The following SYN3 variants were observed in gnomAD, a reference collection of about 807,000 sequenced individuals.
SYN3 encodes synapsin III, also known as synapsin-3.
In SYN3, 35 loss-of-function variants were observed where a neutral mutation model predicts 65.8. The ratio of observed to expected loss-of-function variants is 0.53; its 90% confidence interval spans 0.41 to 0.70. The LOEUF (loss-of-function observed/expected upper bound fraction) is 0.70. SYN3 is among the 30% of genes least tolerant of loss of function. SYN3 has a pLI of 0.00. For missense variants in SYN3, 680 were observed against 749.0 expected (o/e 0.91, Z 1.08); for synonymous variants, 270 against 292.9 (o/e 0.92, Z 0.80).
intron 7 of SYN3, among the ~76,000 whole-genome samples, chr22:32,575,374 A>T (rs182564485): frequency 6.6e-6 from 1 of 152,300 alleles, no homozygotes; most frequent in East Asian, 1.9e-4. Flanking sequence ...GGTGGCAAGA[A>T]GAGAAGGACC....
At chr22:32,628,345 G>A (rs1170889819) in intron 6 of SYN3, among the ~76,000 whole-genome samples, 1 of 152,116 alleles carries the variant, frequency 6.6e-6, no homozygotes, top group East Asian at 1.9e-4. Flanking sequence ...TCTTTCACAA[G>A]GTATATTGAA....
chr22:32,789,321 C>CT (rs1252297361), intron 6 of SYN3, among the ~76,000 whole-genome samples: 1 of 152,180 alleles, frequency 6.6e-6, no homozygotes, highest in Non-Finnish European at 1.5e-5. Flanking sequence ...ACATCAAGGT[C>CT]TTTTTTCTCT....
chr22:32,628,937 C>G (rs2059708522), intron 6 of SYN3, among the ~76,000 whole-genome samples: 1 of 152,116 alleles, frequency 6.6e-6, no homozygotes. Flanking sequence ...CCCTGTTGGG[C>G]TCTTTAGGGA....
In SYN3 at chr22:32,785,270, G is replaced by A. The variant is rs533690764; in HGVS notation, c.711+79645C>T. 3.3e-5 allele frequency among the ~76,000 whole-genome samples: 5 copies of A among 152,250 alleles called. No individual in the cohort carries two copies. The East Asian group carries it at 9.6e-4, about 29-fold the overall frequency. ...AGAGTTAGAACGTCTTTGACACTTG[G>A]CCCAGGGCTCTTTCCTTCAATTACA... On this transcript the variant is annotated intron_variant, in intron 6 of 13. Transcript: ENST00000358763.
At chr22:32,527,771 A>G (rs1033861439) in intron 12 of SYN3, 147 bp downstream of exon 12, 20 of 665,698 alleles carry the variant, frequency 3.0e-5, no homozygotes, top group Non-Finnish European at 5.0e-5. Context: ...AAAGAGTTTG[A>G]CCAACCCCAT....
At chr22:32,735,373 T>A (rs1476052076) in intron 6 of SYN3, among the ~76,000 whole-genome samples, 1 of 152,222 alleles carries the variant, frequency 6.6e-6, no homozygotes, top group Non-Finnish European at 1.5e-5. Flanking sequence ...TGGCACGTAG[T>A]AAATTCTCAA....
At chr22:32,980,791 T>A in intron 2 of SYN3, 89 bp from the exon 3 acceptor site, 1 of 1,124,974 alleles carries the variant, frequency 8.9e-7, no homozygotes, top group Non-Finnish European at 1.3e-6. Context: ...CAGAGGTGCA[T>A]ATTGAGACAC....
chr22:32,530,244 G>A (rs1026893607), intron 10 of SYN3: 1 of 152,244 alleles, frequency 6.6e-6, no homozygotes, highest in East Asian at 1.9e-4. Context: ...AGGATACTAA[G>A]AAGCGCCGTA....
intron 4 of SYN3, among the ~76,000 whole-genome samples, chr22:32,909,361 C>T (rs1051480083): frequency 6.6e-6 from 1 of 152,162 alleles, no homozygotes; most frequent in Non-Finnish European, 1.5e-5. Context: ...CCTCTCTGAA[C>T]CTCAGCTTCC....
intron 7 of SYN3, among the ~76,000 whole-genome samples, chr22:32,547,929 C>T (rs1052658141): frequency 1.3e-5 from 2 of 152,190 alleles, no homozygotes; most frequent in African/African-American, 4.8e-5. Context: ...GAATGGCCCT[C>T]GTTATTCTAT....
intron 6 of SYN3, among the ~76,000 whole-genome samples, chr22:32,702,737 G>GA (rs55781708): frequency 0.31 from 47,203 of 151,102 alleles, 7,810 homozygotes; most frequent in Middle Eastern, 0.4. Flanking sequence ...ATTAAAATTA[G>GA]AAAAAAAAAT....
chr22:32,561,631 G>A (rs1171922828), intron 7 of SYN3, among the ~76,000 whole-genome samples: 4 of 152,166 alleles, frequency 2.6e-5, no homozygotes, highest in African/African-American at 4.8e-5. Flanking sequence ...CTGGCCTGTC[G>A]GCTGCCTGCC....
chr22:32,535,784 G>A (rs376021247), intron 9 of SYN3, among the ~76,000 whole-genome samples: 170 of 152,106 alleles, frequency 1.1e-3, no homozygotes, highest in African/African-American at 3.6e-3. Context: ...GGAGAATCGG[G>A]GGGGGGGCCC....
intron 3 of SYN3, among the ~76,000 whole-genome samples, chr22:32,949,072 G>GA (rs2051205244): frequency 6.6e-6 from 1 of 152,016 alleles, no homozygotes; most frequent in Admixed American, 6.6e-5. Flanking sequence ...TCCAAAATCT[G>GA]AAATGCTCCA....
At chr22:32,653,796 T>C (rs1325406658) in intron 6 of SYN3, among the ~76,000 whole-genome samples, 1 of 152,212 alleles carries the variant, frequency 6.6e-6, no homozygotes, top group East Asian at 1.9e-4. Flanking sequence ...GAATCTCAAT[T>C]TTTAAACTCC....
At chr22:32,566,200 T>C (rs530684942) in intron 7 of SYN3, among the ~76,000 whole-genome samples, 2 of 152,172 alleles carry the variant, frequency 1.3e-5, no homozygotes, top group African/African-American at 2.4e-5. Context: ...GTAATCTATA[T>C]AAAAATTATG....
chr22:32,971,238 ACT>A (rs2052009733), intron 3 of SYN3, among the ~76,000 whole-genome samples: 1 of 152,076 alleles, frequency 6.6e-6, no homozygotes, highest in South Asian at 2.1e-4. Context: ...GAAGGGAAAC[ACT>A]CACTTCTCTA....
intron 3 of SYN3, among the ~76,000 whole-genome samples, chr22:32,951,605 A>T (rs2051292624): frequency 6.6e-6 from 1 of 152,214 alleles, no homozygotes; most frequent in African/African-American, 2.4e-5. Context: ...CATTTTGCAG[A>T]TGTCAAAGAT....
intron 2 of SYN3, among the ~76,000 whole-genome samples, chr22:32,995,720 T>C (rs1189777590): frequency 6.6e-6 from 1 of 152,086 alleles, no homozygotes; most frequent in Admixed American, 6.5e-5. Context: ...TGGAGTGTTG[T>C]GGCACTATCT....
Sources: gnomAD v4.1 joint callset for allele counts (sites outside exome capture counted in the v4.1 genomes callset) on GRCh38, gnomAD v4.1.1 for gene constraint, MANE v1.5 for transcripts, NCBI Gene and HGNC (gene_info 2026-07-23, HGNC 2026-07-21) for gene names.